ANO1: variants seen among roughly 807,000 people sequenced by gnomAD.
ANO1 encodes anoctamin 1, also known as anoctamin-1.
A neutral mutation model predicts 124.0 loss-of-function variants in ANO1; 59 were observed. The observed-to-expected ratio is 0.48, with a 90% CI of 0.39 to 0.59. The LOEUF is 0.59. ANO1 is among the 20% of genes least tolerant of loss of function. ANO1 has a pLI of 0.00. For synonymous variants in ANO1, 529 were observed against 532.0 expected (o/e 0.99, Z 0.08); for missense variants, 1,059 against 1,328.0 (o/e 0.80, Z 3.15).
intron 1 of ANO1, among the ~76,000 whole-genome samples, chr11:70,049,779 G>A (rs184122152): frequency 7.9e-5 from 12 of 152,222 alleles, no homozygotes; most frequent in African/African-American, 2.4e-4. Flanking sequence ...GGAGTACAGT[G>A]GCGCAATCTC....
chr11:70,169,091 G>A lies in ANO1; in HGVS notation c.2197+1704G>A, dbSNP rs186932031. Among the ~76,000 whole-genome samples the A allele has an allele frequency of 5.8e-3, 878 of 152,300 alleles. 12 individuals are homozygous for A. Among genetic ancestry groups the A allele is most frequent in the African/African-American group, 0.02 (848 of 41,552 alleles). On this transcript the variant is annotated intron_variant, in intron 21 of 25. Transcript: ENST00000355303. ...GGTGGCTTCCCCTGCCTGCAGGGTCGCTCCTTCCACAGGAAACCCTAGGGA... is the reference window on the plus strand; with the variant it reads ...GGTGGCTTCCCCTGCCTGCAGGGTCACTCCTTCCACAGGAAACCCTAGGGA...
intron 1 of ANO1, among the ~76,000 whole-genome samples, chr11:70,063,007 G>A (rs1242725938): frequency 6.6e-6 from 1 of 152,134 alleles, no homozygotes; most frequent in Non-Finnish European, 1.5e-5. Flanking sequence ...TCGGCTCACT[G>A]CAACCTCTGC....
intron 1 of ANO1, chr11:70,016,516 G>A (rs540882405): frequency 3.3e-5 from 5 of 152,294 alleles, no homozygotes; most frequent in Non-Finnish European, 7.3e-5. Flanking sequence ...TGTGATTGTG[G>A]TCACAGGACA....
intron 1 of ANO1, among the ~76,000 whole-genome samples, chr11:70,073,148 A>T (rs2044002671): frequency 6.6e-6 from 1 of 152,232 alleles, no homozygotes; most frequent in Non-Finnish European, 1.5e-5. Context: ...GAATTGAACC[A>T]GTGGCAGGCA....
the ANO1 span, among the ~76,000 whole-genome samples, chr11:69,968,215 G>A: frequency 6.6e-6 from 1 of 152,186 alleles, no homozygotes; most frequent in Non-Finnish European, 1.5e-5. Context: ...GTAGTACAAA[G>A]CAGGAGGAGG....
At chr11:70,092,189 G>T (rs927190964) in intron 2 of ANO1, among the ~76,000 whole-genome samples, 4 of 152,142 alleles carry the variant, frequency 2.6e-5, no homozygotes, top group African/African-American at 9.7e-5. Context: ...TCTGTTGTGT[G>T]TCTTCTTCTT....
At chr11:70,023,204 G>T (rs1856836635) in intron 1 of ANO1, among the ~76,000 whole-genome samples, 1 of 152,202 alleles carries the variant, frequency 6.6e-6, no homozygotes, top group East Asian at 1.9e-4. Flanking sequence ...GGAAACTCGT[G>T]CGCTGGGAGA....
the ANO1 span, among the ~76,000 whole-genome samples, chr11:69,976,424 G>A: frequency 3.3e-5 from 5 of 150,168 alleles, no homozygotes; most frequent in African/African-American, 9.8e-5. Flanking sequence ...GGAGAATGGC[G>A]TGAACCCGGG....
At position 70,137,529 on chromosome 11, in the gene ANO1, G is replaced by A. The variant is rs987559862; in HGVS notation, c.1258+5450G>A. Among the ~76,000 whole-genome samples the A allele has an allele frequency of 2.3e-4, 33 of 143,638 alleles. 2 individuals are homozygous for A. The highest frequency in any genetic ancestry group is 7.8e-4 in the African/African-American group (32 of 40,778). The allele number at this position is 143,638 out of a possible 152,430, so 94.2% of individuals were successfully genotyped here. A position where few individuals can be genotyped will look rare whatever the true frequency, so the allele number is the denominator to read the frequency against. On this transcript the variant is annotated intron_variant, in intron 11 of 25. Coordinates refer to ENST00000355303, the MANE Select transcript of ANO1 (RefSeq NM_018043.7). ...TCTCCCTCTCTCTGATCATGACCCA[G>A]GAGGCTGTGACTCCCCAGCCTCCTG...
At chr11:69,971,036 T>G in the ANO1 span, among the ~76,000 whole-genome samples, 11 of 152,346 alleles carry the variant, frequency 7.2e-5, no homozygotes, top group South Asian at 2.3e-3. Context: ...TTCTGGGTTG[T>G]CACATGTCAG....
At chr11:70,161,117 C>G (rs772440961) in intron 16 of ANO1, 44 bp from the exon 17 acceptor site, 2 of 1,570,240 alleles carry the variant, frequency 1.3e-6, no homozygotes. Flanking sequence ...CCAGGAAGGT[C>G]CTGGGTGGGC....
intron 14 of ANO1, among the ~76,000 whole-genome samples, chr11:70,153,956 G>A (rs1590871518): frequency 1.3e-5 from 2 of 152,208 alleles, no homozygotes; most frequent in South Asian, 4.2e-4. Flanking sequence ...AGTAGAGACG[G>A]GGTTTCACTA....
chr11:70,003,595 G>GTGGATGGA (rs531812390), intron 1 of ANO1, among the ~76,000 whole-genome samples: 1 of 65,936 alleles, frequency 1.5e-5, no homozygotes, highest in Middle Eastern at 6.9e-3. Flanking sequence ...GGATGGATGG[G>GTGGATGGA]TGGATGGATG....
chr11:70,137,329 TCCCCTGCCTG>T (rs538558710), intron 11 of ANO1, among the ~76,000 whole-genome samples: 2,732 of 138,948 alleles, frequency 0.02, 130 homozygotes, highest in African/African-American at 0.052. Flanking sequence ...CTGTCCTCTC[TCCCCTGCCTG>T]CCCCTGCCTG....
chr11:70,114,490 A>G (rs2045904390), intron 7 of ANO1, among the ~76,000 whole-genome samples: 1 of 152,236 alleles, frequency 6.6e-6, no homozygotes, highest in South Asian at 2.1e-4. Flanking sequence ...CACTGCATGC[A>G]GTGTAGTTCT....
At chr11:70,077,577 C>A (rs973495919), upstream of ANO1, among the ~76,000 whole-genome samples, 3 of 152,128 alleles carry the variant, frequency 2.0e-5, no homozygotes, top group East Asian at 5.8e-4. Context: ...AGCCACCATC[C>A]CCCCCGCTCC....
At chr11:70,113,028 A>G (rs2045850035) in intron 7 of ANO1, among the ~76,000 whole-genome samples, 1 of 151,836 alleles carries the variant, frequency 6.6e-6, no homozygotes, top group African/African-American at 2.4e-5. Context: ...CCTCCTCCTC[A>G]CTGTAGGTCC....
At chr11:70,136,846 G>C (rs1320100566) in intron 11 of ANO1, among the ~76,000 whole-genome samples, 1 of 147,754 alleles carries the variant, frequency 6.8e-6, no homozygotes, top group African/African-American at 2.4e-5. Flanking sequence ...GTGGACAAAG[G>C]CGTTCGATTT....
In ANO1 at chr11:70,161,734, G is replaced by A. The variant is rs1370585487; in HGVS notation, c.1892+1G>A. On this transcript the variant is annotated splice_donor_variant, in intron 18 of 25. Coordinates refer to ENST00000355303, the MANE Select transcript of ANO1 (RefSeq NM_018043.7). LOFTEE classifies it high-confidence loss of function. The stretch of plus-strand genomic sequence containing the variant: ...TTTACGTGGCGTTCTTCAAAGGCCG[G>A]TAGGGACATCTTCAGCCTTTCCCCA... 6.2e-7 allele frequency: 1 copy of A among 1,613,236 alleles called. No homozygotes were observed. Among genetic ancestry groups the A allele is most frequent in the African/African-American group, 1.3e-5 (1 of 74,930 alleles).
Sources: allele counts gnomAD v4.1 joint callset (sites outside exome capture counted in the v4.1 genomes callset), GRCh38; gene constraint gnomAD v4.1.1; transcripts MANE v1.5; gene names NCBI Gene and HGNC (gene_info 2026-07-23, HGNC 2026-07-21).